Variants in GPD2 observed in about 807,000 individuals in gnomAD.
The protein encoded by GPD2 is glycerol-3-phosphate dehydrogenase, mitochondrial.
In GPD2, 54 loss-of-function variants were observed where a neutral mutation model predicts 82.4. That is an observed-to-expected ratio of 0.66 (90% CI 0.53 to 0.82). The LOEUF (loss-of-function observed/expected upper bound fraction) is 0.82, where lower values mean the gene tolerates loss of function less well. GPD2 is among the 40% of genes least tolerant of loss of function. GPD2 has a pLI of 0.00. For missense variants in GPD2, 748 were observed against 896.2 expected (o/e 0.83, Z 2.11); for synonymous variants, 288 against 306.1 (o/e 0.94, Z 0.62).
intron 1 of GPD2, among the ~76,000 whole-genome samples, chr2:156,440,210 T>C (rs1468896084): frequency 1.3e-5 from 2 of 152,210 alleles, no homozygotes; most frequent in East Asian, 3.8e-4. Flanking sequence ...TTTAGAATTG[T>C]TGACATGATG....
At chr2:156,502,170 A>G (rs1684608864) in intron 3 of GPD2, among the ~76,000 whole-genome samples, 1 of 152,020 alleles carries the variant, frequency 6.6e-6, no homozygotes, top group Non-Finnish European at 1.5e-5. Context: ...ATCATATTCC[A>G]TGTGAATCAA....
intron 1 of GPD2, among the ~76,000 whole-genome samples, chr2:156,447,934 G>A (rs79409467): frequency 0.011 from 1,727 of 152,090 alleles, 9 homozygotes; most frequent in Middle Eastern, 0.017. Context: ...AGACTTATTC[G>A]CTGAACTCAG....
chr2:156,527,645 A>G (rs1685663036), intron 6 of GPD2, among the ~76,000 whole-genome samples: 1 of 152,258 alleles, frequency 6.6e-6, no homozygotes, highest in South Asian at 2.1e-4. Flanking sequence ...ATTCAGAAGA[A>G]TAGATATTTG....
At chr2:156,559,306 C>T (rs1395736065) in intron 9 of GPD2, among the ~76,000 whole-genome samples, 1 of 152,106 alleles carries the variant, frequency 6.6e-6, no homozygotes, top group Non-Finnish European at 1.5e-5. Flanking sequence ...GTATGCTACT[C>T]ATGATTGTTT....
intron 1 of GPD2, among the ~76,000 whole-genome samples, chr2:156,446,490 T>A (rs957412390): frequency 6.6e-6 from 1 of 152,166 alleles, no homozygotes; most frequent in East Asian, 1.9e-4. Context: ...AAAGGGAGAT[T>A]GGCACATGTA....
chr2:156,401,231 G>C, the GPD2 span, among the ~76,000 whole-genome samples: 4,965 of 152,228 alleles, frequency 0.033, 268 homozygotes, highest in African/African-American at 0.11. Context: ...TAGCAAATGT[G>C]CTTTTCTATT....
the GPD2 span, among the ~76,000 whole-genome samples, chr2:156,425,091 T>TC: frequency 6.6e-6 from 1 of 151,190 alleles, no homozygotes; most frequent in East Asian, 1.9e-4. Flanking sequence ...TTCATTTTAT[T>TC]TTTTTTTTTG....
chr2:156,492,148 T>A, intron 2 of GPD2, among the ~76,000 whole-genome samples: 1 of 20,634 alleles, frequency 4.8e-5, no homozygotes, highest in African/African-American at 1.0e-4. Context: ...CCTCCCTACC[T>A]TTTTTTTTTT....
the GPD2 span, among the ~76,000 whole-genome samples, chr2:156,418,223 GA>G: frequency 0.35 from 50,735 of 146,382 alleles, 10,201 homozygotes; most frequent in Non-Finnish European, 0.46. Flanking sequence ...TCAAAAGGAA[GA>G]AAAAAAAAAA....
intron 3 of GPD2, among the ~76,000 whole-genome samples, chr2:156,506,184 G>A (rs1008238489): frequency 6.6e-6 from 1 of 152,112 alleles, no homozygotes; most frequent in African/African-American, 2.4e-5. Context: ...AGAGTTTTTT[G>A]TGGTTTGGAA....
chr2:156,503,549 A>G (rs1684668135), intron 3 of GPD2, among the ~76,000 whole-genome samples: 1 of 152,186 alleles, frequency 6.6e-6, no homozygotes. Context: ...TAATGGCAAA[A>G]AATTGGAGTC....
chr2:156,488,673 C>T (rs562816859), intron 2 of GPD2, among the ~76,000 whole-genome samples: 2 of 151,692 alleles, frequency 1.3e-5, no homozygotes, highest in South Asian at 4.2e-4. Flanking sequence ...AAACTGATCT[C>T]ATTCTGAATC....
chr2:156,514,110 C>CAT (rs1685107449), intron 6 of GPD2, among the ~76,000 whole-genome samples: 1 of 146,564 alleles, frequency 6.8e-6, no homozygotes, highest in African/African-American at 2.5e-5. Flanking sequence ...GGCCATTTGC[C>CAT]ATGTGTTCAA....
chr2:156,528,876 G>A (rs1048472426), intron 6 of GPD2, among the ~76,000 whole-genome samples: 37 of 152,148 alleles, frequency 2.4e-4, no homozygotes, highest in African/African-American at 3.6e-4. Context: ...CTTTGCTATC[G>A]TGAATAATGC....
intron 1 of GPD2, among the ~76,000 whole-genome samples, chr2:156,462,371 C>T (rs1023743628): frequency 5.3e-5 from 8 of 152,012 alleles, no homozygotes; most frequent in African/African-American, 1.9e-4. Context: ...CTGCAACCTC[C>T]GCCTCCCGGG....
chr2:156,503,200 A>G (rs1304330159), intron 3 of GPD2, among the ~76,000 whole-genome samples: 3 of 152,178 alleles, frequency 2.0e-5, no homozygotes, highest in African/African-American at 7.2e-5. Context: ...CAAGAGGCAG[A>G]GACTTTCTTC....
intron 1 of GPD2, among the ~76,000 whole-genome samples, chr2:156,464,200 T>C (rs1193243440): frequency 2.0e-5 from 3 of 152,198 alleles, no homozygotes; most frequent in Non-Finnish European, 2.9e-5. Flanking sequence ...TTACTTTAAA[T>C]GGGAATTTTG....
chr2:156,414,664 A>T, the GPD2 span, among the ~76,000 whole-genome samples: 3 of 152,298 alleles, frequency 2.0e-5, no homozygotes, highest in South Asian at 4.1e-4. Context: ...GAATGTTATT[A>T]AAAAAGAAAT....
chr2:156,573,620 T>A (rs1290660690), intron 13 of GPD2, among the ~76,000 whole-genome samples: 1 of 152,278 alleles, frequency 6.6e-6, no homozygotes, highest in East Asian at 1.9e-4. Context: ...TGTTTGGCCC[T>A]ACTAAGGAAG....
Sources: allele counts gnomAD v4.1 joint callset (sites outside exome capture counted in the v4.1 genomes callset), GRCh38; gene constraint gnomAD v4.1.1; transcripts MANE v1.5; gene names NCBI Gene and HGNC (gene_info 2026-07-23, HGNC 2026-07-21).